Variants in AP2B1 observed in about 807,000 individuals in gnomAD.
The protein encoded by AP2B1 is AP-2 complex subunit beta.
In AP2B1, 23 loss-of-function variants were observed where a neutral mutation model predicts 102.0. The observed-to-expected ratio is 0.23, with a 90% CI of 0.16 to 0.32. AP2B1 has a LOEUF of 0.32. Among genes scored for constraint, AP2B1 ranks in the 10% least tolerant of loss-of-function variants. The pLI is 1.00. For missense variants in AP2B1, 541 were observed against 1,157.4 expected, an observed-to-expected ratio of 0.47 and a Z score of 7.73; for synonymous variants, 381 against 421.2, an observed-to-expected ratio of 0.90 and a Z score of 1.17.
At chr17:35,621,230 A>G (rs2074167268) in intron 5 of AP2B1, 1 of 791,142 alleles carries the variant, frequency 1.3e-6, no homozygotes, top group Non-Finnish European at 1.5e-6. Context: ...CTCTCTAGCC[A>G]CCCAGTTGCT....
At chr17:35,702,994 C>T (rs1244178874) in intron 18 of AP2B1, among the ~76,000 whole-genome samples, 4 of 152,068 alleles carry the variant, frequency 2.6e-5, no homozygotes, top group African/African-American at 4.8e-5. Flanking sequence ...AAAAATGGGC[C>T]GGGCGCGGTG....
intron 13 of AP2B1, among the ~76,000 whole-genome samples, chr17:35,652,196 C>T (rs1000862619): frequency 3.9e-5 from 6 of 152,092 alleles, no homozygotes; most frequent in Non-Finnish European, 7.4e-5. Context: ...TTTTGGATAA[C>T]CTCCTTTTTG....
At chr17:35,616,157 TTTTTTTTTTTTTTTTTTTTTTTTTG>T (rs2074009678) in intron 5 of AP2B1, among the ~76,000 whole-genome samples, 1 of 84,598 alleles carries the variant, frequency 1.2e-5, no homozygotes, top group South Asian at 4.9e-4. Flanking sequence ...TTTTTTTTTT[TTTTTTTTTTTTTTTTTTTTTTTTTG>T]GAGACGGAGT....
In AP2B1 at chr17:35,632,344, A is replaced by C. The variant is rs186558953; in HGVS notation, c.1156-3997A>C. ...GAAACAGGGTTTCACCATGTTGGCT[A>C]TGCTGGTCTTGAACTCCTGACCTCA... is the stretch of plus-strand genomic sequence containing the variant. On this transcript the variant is annotated intron_variant, in intron 9 of 21. Coordinates refer to ENST00000610402, the MANE Select transcript of AP2B1 (RefSeq NM_001030006.2). 1.2e-3 allele frequency among the ~76,000 whole-genome samples: 176 copies of C among 152,276 alleles called. 1 individual carries two copies. The highest frequency in any genetic ancestry group is 4.1e-4 in the Non-Finnish European group (28 of 68,016).
intron 14 of AP2B1, among the ~76,000 whole-genome samples, chr17:35,669,490 C>G (rs772988515): frequency 3.9e-5 from 6 of 152,136 alleles, no homozygotes; most frequent in African/African-American, 7.2e-5. Flanking sequence ...ATCCCCTGTG[C>G]AACCATTAAG....
chr17:35,617,208 A>G (rs2074048180), intron 5 of AP2B1, among the ~76,000 whole-genome samples: 1 of 152,182 alleles, frequency 6.6e-6, no homozygotes, highest in Admixed American at 6.5e-5. Flanking sequence ...GGCACATGCC[A>G]TCATGCCTGG....
intron 13 of AP2B1, among the ~76,000 whole-genome samples, chr17:35,654,256 G>T (rs2075163377): frequency 6.6e-6 from 1 of 151,758 alleles, no homozygotes; most frequent in Non-Finnish European, 1.5e-5. Flanking sequence ...TAGAGACCGG[G>T]TTTCACAATG....
intron 9 of AP2B1, among the ~76,000 whole-genome samples, chr17:35,630,609 A>T (rs2074436211): frequency 6.6e-6 from 1 of 152,216 alleles, no homozygotes; most frequent in Non-Finnish European, 1.5e-5. Flanking sequence ...TCTGAAGTTC[A>T]GAGACTTTCT....
At chr17:35,605,978 C>T in intron 4 of AP2B1, 138 bp downstream of exon 4, 1 of 1,375,476 alleles carries the variant, frequency 7.3e-7, no homozygotes, top group Non-Finnish European at 9.6e-7. Context: ...CAGTGTGTGT[C>T]ATCCAGGGAA....
At chr17:35,717,898 T>C (rs1334001338) in intron 21 of AP2B1, among the ~76,000 whole-genome samples, 1 of 152,238 alleles carries the variant, frequency 6.6e-6, no homozygotes, top group African/African-American at 2.4e-5. Context: ...AGTATCACAC[T>C]GAACTAAAGT....
At chr17:35,709,650 C>G (rs1045373929) in intron 19 of AP2B1, among the ~76,000 whole-genome samples, 1 of 152,106 alleles carries the variant, frequency 6.6e-6, no homozygotes, top group East Asian at 1.9e-4. Flanking sequence ...TTGGAACTTC[C>G]GCTTCCAAAT....
intron 1 of AP2B1, 96 bp downstream of exon 1, chr17:35,587,524 A>G: frequency 6.5e-6 from 1 of 153,202 alleles, no homozygotes; most frequent in Middle Eastern, 3.3e-3. Context: ...AGACCGGCGG[A>G]GGCGAGGAAA....
chr17:35,626,024 A>G lies in AP2B1; in HGVS notation c.717-597A>G, dbSNP rs563888849. On this transcript the variant is annotated intron_variant, in intron 6 of 21. Transcript: ENST00000610402. ...CATGTAAGTGTAGGTGGCAGGGGCT[A>G]GGAGAGGGGGGAGACAGGAAAATAT... Among the ~76,000 whole-genome samples, 9 of 152,268 alleles carry G rather than the reference A, an allele frequency of 5.9e-5. No homozygotes were observed. The South Asian group carries it at 1.4e-3, about 25-fold the overall frequency.
chr17:35,677,023 T>C (rs2075717380), intron 17 of AP2B1, among the ~76,000 whole-genome samples: 1 of 152,230 alleles, frequency 6.6e-6, no homozygotes, highest in African/African-American at 2.4e-5. Context: ...AAAGGCTTGC[T>C]CTGTCACCCA....
At chr17:35,640,464 C>T (rs977960459) in intron 11 of AP2B1, among the ~76,000 whole-genome samples, 4 of 152,050 alleles carry the variant, frequency 2.6e-5, no homozygotes, top group Admixed American at 6.6e-5. Context: ...TCTCGAACTC[C>T]TGACCTTAGG....
chr17:35,676,814 C>T (rs759702406), intron 17 of AP2B1, among the ~76,000 whole-genome samples: 10 of 151,976 alleles, frequency 6.6e-5, no homozygotes, highest in African/African-American at 1.2e-4. Flanking sequence ...ACTTAAGTAT[C>T]AGCTCAAATC....
intron 12 of AP2B1, among the ~76,000 whole-genome samples, chr17:35,649,616 C>G (rs1157070510): frequency 6.6e-6 from 1 of 152,152 alleles, no homozygotes; most frequent in African/African-American, 2.4e-5. Flanking sequence ...AACCAGTTAA[C>G]TTTTGCCAGA....
intron 20 of AP2B1, among the ~76,000 whole-genome samples, chr17:35,714,039 T>G (rs2076503154): frequency 6.6e-6 from 1 of 152,220 alleles, no homozygotes; most frequent in Admixed American, 6.5e-5. Flanking sequence ...TGGAAAGGAA[T>G]CTTTGTGACG....
intron 18 of AP2B1, among the ~76,000 whole-genome samples, chr17:35,695,722 C>T (rs1176539662): frequency 2.0e-5 from 3 of 152,152 alleles, no homozygotes; most frequent in Non-Finnish European, 4.4e-5. Context: ...TTGCCAGAAA[C>T]AGCCAGCAAT....
Sources: allele counts gnomAD v4.1 joint callset (sites outside exome capture counted in the v4.1 genomes callset), GRCh38; gene constraint gnomAD v4.1.1; transcripts MANE v1.5; gene names NCBI Gene and HGNC (gene_info 2026-07-23, HGNC 2026-07-21).